MCM9: variants seen among roughly 807,000 people sequenced by gnomAD.
MCM9 encodes minichromosome maintenance 9 homologous recombination repair factor.
MCM9 carries 55 observed loss-of-function variants against 72.8 expected under a neutral mutation model. That is an observed-to-expected ratio of 0.76 (90% confidence interval 0.61 to 0.95). The LOEUF is 0.95. Ranked by LOEUF, MCM9 falls within the 40% of genes least tolerant of loss-of-function variation. The pLI is 0.00. For synonymous variants in MCM9, 480 were observed against 503.4 expected, an observed-to-expected ratio of 0.95 and a Z score of 0.62; for missense variants, 1,279 against 1,377.0, an observed-to-expected ratio of 0.93 and a Z score of 1.13.
intron 9 of MCM9, among the ~76,000 whole-genome samples, chr6:118,834,152 C>A (rs368022618): frequency 6.6e-6 from 1 of 152,060 alleles, no homozygotes; most frequent in Non-Finnish European, 1.5e-5. Flanking sequence ...CTGAGAATGA[C>A]GGTTTCCAGC....
intron 5 of MCM9, chr6:118,920,539 G>A (rs1781345518): frequency 6.6e-6 from 1 of 152,284 alleles, no homozygotes; most frequent in South Asian, 2.1e-4. Flanking sequence ...TGCCTGGTAG[G>A]AGGTGTCTGG....
chr6:118,830,427 A>G (rs1386506252), intron 9 of MCM9, among the ~76,000 whole-genome samples: 1 of 152,250 alleles, frequency 6.6e-6, no homozygotes, highest in African/African-American at 2.4e-5. Flanking sequence ...AAGATAAACA[A>G]GGCATTTTTA....
intron 6 of MCM9, 134 bp downstream of exon 6, chr6:118,917,427 T>C (rs1583661548): frequency 2.5e-6 from 2 of 815,942 alleles, no homozygotes; most frequent in East Asian, 5.2e-5. Flanking sequence ...TAGCTAGAGG[T>C]AATGACTAAT....
intron 2 of MCM9, among the ~76,000 whole-genome samples, 183 bp downstream of exon 2, chr6:118,932,424 C>G (rs558973716): frequency 3.3e-5 from 5 of 152,196 alleles, no homozygotes; most frequent in African/African-American, 4.8e-5. Context: ...CACACATTTG[C>G]TCTCAAGTAT....
At chr6:118,864,341 G>A (rs946481702) in intron 8 of MCM9, among the ~76,000 whole-genome samples, 1 of 152,078 alleles carries the variant, frequency 6.6e-6, no homozygotes, top group Non-Finnish European at 1.5e-5. Flanking sequence ...ATAAAGACAC[G>A]TACAGATTAA....
chr6:118,907,891 G>A (rs1780281813), intron 8 of MCM9: 1 of 263,566 alleles, frequency 3.8e-6, no homozygotes, highest in Admixed American at 4.9e-5. Flanking sequence ...TGTAATGAAA[G>A]CACTTATAAA....
rs763509537 is a variant in MCM9, at chr6:118,843,641, CATAT to C, written c.1325+12726_1325+12729del. 6.9e-3 allele frequency among the ~76,000 whole-genome samples: 454 copies of C among 66,262 alleles called. 27 individuals are homozygous for C. Among genetic ancestry groups the C allele is most frequent in the South Asian group, 0.023 (52 of 2,228 alleles). 43.5% of individuals were successfully genotyped at this position (66,262 alleles called of 152,430 possible). On this transcript the variant is annotated intron_variant, in intron 9 of 13. Transcript: ENST00000619706. ...CTCAAAAAAACAAAACAAAACAAAACATATATATATATATGTGTATATATATATG... is the reference window on the plus strand; with the variant it reads ...CTCAAAAAAACAAAACAAAACAAAACATATATATATGTGTATATATATATG...
In MCM9 at chr6:118,844,545, C is replaced by CA. The variant is rs559790707; in HGVS notation, c.1325+11825dup. Among the ~76,000 whole-genome samples, 210 of 133,794 alleles carry CA rather than the reference C, an allele frequency of 1.6e-3. 6 individuals carry two copies. Among genetic ancestry groups the CA allele is most frequent in the East Asian group, 2.5e-3 (12 of 4,706 alleles). The allele number at this position is 133,794 out of a possible 152,430, so 87.8% of individuals were successfully genotyped here. Reference sequence around the variant, plus strand: ...ATGTCAAAAGCAAAGTTAAAAAATACAAAAAAAAAAAATTAAAAGGACAAC... The same window carrying CA: ...ATGTCAAAAGCAAAGTTAAAAAATACAAAAAAAAAAAAATTAAAAGGACAAC... On this transcript the variant is annotated intron_variant, in intron 9 of 13. Transcript: ENST00000619706.
chr6:118,815,694 C>CAGCT lies in MCM9; in HGVS notation c.2561_2562insAGCT (p.Arg855AlafsTer10), dbSNP rs1773371090. On this transcript the variant is annotated frameshift_variant, in exon 14 of 14. Coordinates refer to ENST00000619706, the MANE Select transcript of MCM9 (RefSeq NM_017696.3). LOFTEE classifies it low-confidence loss of function (END_TRUNC). ...TATTTCTGCACAACTTCTGGGCCCT[C>CAGCT]TCTTTGCACAGCTTCTGCAGGTTCC... is the stretch of plus-strand genomic sequence containing the variant. The CAGCT allele has an allele frequency of 5.2e-6, 8 of 1,548,396 alleles. No homozygotes were observed. Among genetic ancestry groups the CAGCT allele is most frequent in the Non-Finnish European group, 6.1e-6 (7 of 1,146,662 alleles).
intron 9 of MCM9, among the ~76,000 whole-genome samples, chr6:118,833,346 A>C (rs1342351602): frequency 1.3e-5 from 2 of 152,232 alleles, no homozygotes; most frequent in Non-Finnish European, 2.9e-5. Flanking sequence ...CCAGACAGTA[A>C]GAAGCAAAAT....
chr6:118,882,671 AGT>A (rs1237266197), intron 8 of MCM9, among the ~76,000 whole-genome samples: 1 of 152,176 alleles, frequency 6.6e-6, no homozygotes, highest in African/African-American at 2.4e-5. Flanking sequence ...TCAAGGAGAG[AGT>A]CAAGGAAAGG....
At chr6:118,908,636 A>G (rs1338156616) in intron 8 of MCM9, 1 of 152,216 alleles carries the variant, frequency 6.6e-6, no homozygotes, top group African/African-American at 2.4e-5. Context: ...TGTGGTTGAC[A>G]TACTCTAGAT....
At chr6:118,841,089 A>G (rs1775334323) in intron 9 of MCM9, among the ~76,000 whole-genome samples, 1 of 152,002 alleles carries the variant, frequency 6.6e-6, no homozygotes, top group Non-Finnish European at 1.5e-5. Flanking sequence ...TTGACAAAAT[A>G]CTTTTCACAT....
In MCM9 at chr6:118,828,122, T is replaced by G. The variant is rs1217689097; in HGVS notation, c.1537A>C (p.Ser513Arg). Residue 513 changes from serine to arginine, a missense_variant, in exon 11 of 14, where the codon AGC becomes CGC. Transcript: ENST00000619706. Reference sequence around the variant, plus strand: ...ATGCTCCAGAGCTTCTCTGATTTGCTTGGGTAACCTGTATGTATCAGGTGT... The same window carrying G: ...ATGCTCCAGAGCTTCTCTGATTTGCGTGGGTAACCTGTATGTATCAGGTGT... ...SFILENKGYP[S>R]KSEKLWSMEK... is the part of the protein sequence containing the mutation. The G allele has an allele frequency of 1.9e-6, 3 of 1,550,284 alleles. No homozygotes were observed. The highest frequency in any genetic ancestry group is 2.6e-6 in the Non-Finnish European group (3 of 1,146,894).
Position 118,881,227 on chromosome 6 carries a change from T to C in MCM9, c.1151-24682A>G, listed in dbSNP as rs1012552743. 3.3e-5 allele frequency among the ~76,000 whole-genome samples: 5 copies of C among 152,256 alleles called. No individual in the cohort carries two copies. The East Asian group carries it at 9.6e-4, about 29-fold the overall frequency. On this transcript the variant is annotated intron_variant, in intron 8 of 13. Coordinates refer to ENST00000619706, the MANE Select transcript of MCM9 (RefSeq NM_017696.3). ...TACTATGTCAGCCAAGGATTACGTA[T>C]AATTTTATAATAATGTTTAATTTAT...
intron 8 of MCM9, among the ~76,000 whole-genome samples, chr6:118,898,240 A>G (rs1167405596): frequency 2.0e-5 from 3 of 152,196 alleles, no homozygotes; most frequent in Non-Finnish European, 4.4e-5. Flanking sequence ...AGGTTTAAAC[A>G]ATAGGTATGA....
At chr6:118,913,224 T>C (rs1387349731) in intron 7 of MCM9, 71 bp downstream of exon 7, 2 of 1,562,304 alleles carry the variant, frequency 1.3e-6, no homozygotes, top group Non-Finnish European at 1.7e-6. Context: ...GCAGTTTTTA[T>C]TTGGGAAAGA....
intron 9 of MCM9, among the ~76,000 whole-genome samples, chr6:118,841,635 T>C (rs1440659110): frequency 3.3e-5 from 5 of 152,212 alleles, no homozygotes; most frequent in Non-Finnish European, 7.3e-5. Context: ...AAGTTAGATC[T>C]GTGCCCTGGC....
At chr6:118,859,543 A>G (rs1469058224) in intron 8 of MCM9, among the ~76,000 whole-genome samples, 1 of 152,258 alleles carries the variant, frequency 6.6e-6, no homozygotes, top group Non-Finnish European at 1.5e-5. Flanking sequence ...ATTCATGAGC[A>G]TAAACTTTTA....
Sources: allele counts gnomAD v4.1 joint callset (sites outside exome capture counted in the v4.1 genomes callset), GRCh38; gene constraint gnomAD v4.1.1; transcripts MANE v1.5; gene names NCBI Gene and HGNC (gene_info 2026-07-23, HGNC 2026-07-21).